RAB3B: variants seen among roughly 807,000 people sequenced by gnomAD.
RAB3B encodes ras-related protein Rab-3B.
In RAB3B, 11 loss-of-function variants were observed where a neutral mutation model predicts 20.5. That is an observed-to-expected ratio of 0.54 (90% CI 0.34 to 0.89). RAB3B has a LOEUF of 0.89. Ranked by LOEUF, RAB3B falls within the 40% of genes least tolerant of loss-of-function variation. The pLI is 0.02. For synonymous variants in RAB3B, 99 were observed against 106.3 expected (o/e 0.93, Z 0.42); for missense variants, 225 against 280.9 (o/e 0.80, Z 1.42).
At chr1:51,970,719 C>T (rs1038647592) in intron 2 of RAB3B, among the ~76,000 whole-genome samples, 1 of 152,014 alleles carries the variant, frequency 6.6e-6, no homozygotes, top group Non-Finnish European at 1.5e-5. Context: ...AGAAAGCAAC[C>T]CAGTGGCTGG....
At chr1:51,953,823 C>T (rs1374495684) in intron 2 of RAB3B, among the ~76,000 whole-genome samples, 2 of 151,928 alleles carry the variant, frequency 1.3e-5, no homozygotes, top group Admixed American at 6.6e-5. Flanking sequence ...CTAAAAAATA[C>T]CTAATGGTTA....
rs1684127939 is a variant in RAB3B, at chr1:51,919,003, GTC to G, written c.*922_*923del. On this transcript the variant is annotated 3_prime_UTR_variant, in exon 5 of 5. Coordinates refer to ENST00000371655, the MANE Select transcript of RAB3B (RefSeq NM_002867.4). ...TTTTTTTTTTTTTTTTTGAGACGGAGTCTCGCTCTGTCGCCCAGGCCGGACTG... is the reference window on the plus strand; with the variant it reads ...TTTTTTTTTTTTTTTTTGAGACGGAGTCGCTCTGTCGCCCAGGCCGGACTG... The G allele has an allele frequency of 7.1e-6, 1 of 139,986 alleles. No homozygotes were observed. The highest frequency in any genetic ancestry group is 2.8e-5 in the African/African-American group (1 of 35,736). The allele number at this position is 139,986 out of a possible 1,614,324, so 8.7% of individuals were successfully genotyped here.
At chr1:51,949,667 G>A (rs1037788859) in intron 2 of RAB3B, among the ~76,000 whole-genome samples, 4 of 152,202 alleles carry the variant, frequency 2.6e-5, no homozygotes, top group African/African-American at 9.6e-5. Context: ...CTCCAGAGGG[G>A]TGTTACAGTG....
rs200158002 is a variant in RAB3B, at chr1:51,970,577, ACCT to A, written c.228+6310_228+6312del. ...GTGGCCCTGCTCAGCAATGCTCATA[ACCT>A]CCTCTTCTTGTGTCTGGAATCCCCT... On this transcript the variant is annotated intron_variant, in intron 2 of 4. Coordinates refer to ENST00000371655, the MANE Select transcript of RAB3B (RefSeq NM_002867.4). Among the ~76,000 whole-genome samples the A allele has an allele frequency of 1.3e-4, 20 of 152,026 alleles. 1 individual carries two copies. In the East Asian group the frequency reaches 3.9e-3, roughly 29 times the overall value.
rs190928069 is a variant in RAB3B, at chr1:51,934,762, C to A, written c.348-1320G>T. 9.0e-3 allele frequency among the ~76,000 whole-genome samples: 964 copies of A among 107,246 alleles called. 19 individuals carry two copies. The highest frequency in any genetic ancestry group is 0.034 in the African/African-American group (933 of 27,628). 70.4% of individuals were successfully genotyped at this position (107,246 alleles called of 152,430 possible). A position where few individuals can be genotyped will look rare whatever the true frequency, so the allele number is the denominator to read the frequency against. On this transcript the variant is annotated intron_variant, in intron 3 of 4. Coordinates refer to ENST00000371655, the MANE Select transcript of RAB3B (RefSeq NM_002867.4). Reference sequence around the variant, plus strand: ...CTACACTCCAGCCTGGGTGACAGAGCGAGACTCCATCTCAAAAAAAAAAAA... The same window carrying A: ...CTACACTCCAGCCTGGGTGACAGAGAGAGACTCCATCTCAAAAAAAAAAAA...
chr1:51,926,177 A>T (rs1684241468), intron 4 of RAB3B, among the ~76,000 whole-genome samples: 1 of 152,246 alleles, frequency 6.6e-6, no homozygotes, highest in Non-Finnish European at 1.5e-5. Flanking sequence ...TAGGATGAGG[A>T]CTGGCATAGC....
chr1:51,965,233 G>A (rs1684834002), intron 2 of RAB3B, among the ~76,000 whole-genome samples: 2 of 134,312 alleles, frequency 1.5e-5, no homozygotes, highest in African/African-American at 5.4e-5. Flanking sequence ...AAAAAAAAAA[G>A]AAACGAAAAA....
chr1:51,944,355 A>G (rs1684535012), intron 2 of RAB3B, among the ~76,000 whole-genome samples: 1 of 152,196 alleles, frequency 6.6e-6, no homozygotes, highest in South Asian at 2.1e-4. Context: ...AAGATATCTG[A>G]TGGAGATATA....
chr1:51,923,837 A>G (rs756136885), intron 4 of RAB3B, among the ~76,000 whole-genome samples: 16 of 152,272 alleles, frequency 1.1e-4, no homozygotes, highest in Admixed American at 2.0e-4. Flanking sequence ...GTTGTTCGAG[A>G]CCATAAATAA....
In RAB3B at chr1:51,977,072, C is replaced by A. The variant is rs770195514; in HGVS notation, c.46G>T (p.Asp16Tyr). The change falls in exon 2 of 5, where the codon GAC (aspartate) becomes TAC (tyrosine). Residue 16 changes from aspartate to tyrosine, a missense_variant. Asp to Tyr is a radical substitution (Grantham distance 160, BLOSUM62 -3). Coordinates refer to ENST00000371655, the MANE Select transcript of RAB3B (RefSeq NM_002867.4). ...TTAAACATGTAGTCAAAATTCTGGTCAGAGGCATCTTTGACTCCAGTTTTA... is the reference window on the plus strand; with the variant it reads ...TTAAACATGTAGTCAAAATTCTGGTAAGAGGCATCTTTGACTCCAGTTTTA... The part of the protein sequence containing the change: ...DGKTGVKDAS[D>Y]QNFDYMFKLL... 1.2e-6 allele frequency: 2 copies of A among 1,614,156 alleles called. No individual in the cohort carries two copies. Among genetic ancestry groups the A allele is most frequent in the Non-Finnish European group, 1.7e-6 (2 of 1,180,030 alleles).
At chr1:51,931,711 G>C (rs1289536631) in intron 4 of RAB3B, among the ~76,000 whole-genome samples, 1 of 152,004 alleles carries the variant, frequency 6.6e-6, no homozygotes, top group Non-Finnish European at 1.5e-5. Context: ...TTACGTATGG[G>C]GTGCATTGAG....
chr1:51,969,488 T>C (rs982424563), intron 2 of RAB3B, among the ~76,000 whole-genome samples: 4 of 152,214 alleles, frequency 2.6e-5, no homozygotes, highest in African/African-American at 9.6e-5. Flanking sequence ...GGGCTAATTA[T>C]AGCCAGCGGC....
intron 3 of RAB3B, among the ~76,000 whole-genome samples, chr1:51,934,231 T>C (rs1684364750): frequency 6.6e-6 from 1 of 152,142 alleles, no homozygotes; most frequent in Non-Finnish European, 1.5e-5. Context: ...CCAAAAGCTC[T>C]TCCATGGCTT....
At chr1:51,922,723 G>A (rs956172185) in intron 4 of RAB3B, among the ~76,000 whole-genome samples, 7 of 151,476 alleles carry the variant, frequency 4.6e-5, no homozygotes, top group Non-Finnish European at 1.0e-4. Flanking sequence ...GAGAGACAGA[G>A]TCTTGCTCTG....
chr1:51,953,704 G>A (rs1298730134), intron 2 of RAB3B, among the ~76,000 whole-genome samples: 1 of 152,196 alleles, frequency 6.6e-6, no homozygotes, highest in African/African-American at 2.4e-5. Context: ...GGGAGGCTGA[G>A]GTAGGAGAAT....
At chr1:51,923,561 CA>C (rs1684202089) in intron 4 of RAB3B, among the ~76,000 whole-genome samples, 2 of 151,920 alleles carry the variant, frequency 1.3e-5, no homozygotes, top group Non-Finnish European at 2.9e-5. Context: ...ACTAAAAATA[CA>C]AAAATTAACC....
intron 2 of RAB3B, among the ~76,000 whole-genome samples, chr1:51,974,614 T>C (rs1482270480): frequency 1.3e-5 from 2 of 152,234 alleles, no homozygotes; most frequent in African/African-American, 4.8e-5. Flanking sequence ...AAGGGAAATA[T>C]GAACTCTATA....
intron 1 of RAB3B, among the ~76,000 whole-genome samples, chr1:51,979,264 T>C (rs189343595): frequency 6.6e-6 from 1 of 150,762 alleles, no homozygotes; most frequent in East Asian, 1.9e-4. Flanking sequence ...GTAAAGGCAT[T>C]ATGCTTTTTT....
rs1183625301 is a variant in RAB3B, at chr1:51,915,393, C to T, written c.*4534G>A. The T allele has an allele frequency of 6.6e-6, 1 of 152,050 alleles. No homozygotes were observed. Among genetic ancestry groups the T allele is most frequent in the Non-Finnish European group, 1.5e-5 (1 of 68,022 alleles). 9.4% of individuals were successfully genotyped at this position (152,050 alleles called of 1,614,324 possible). A position where few individuals can be genotyped will look rare whatever the true frequency, so the allele number is the denominator to read the frequency against. On this transcript the variant is annotated 3_prime_UTR_variant, in exon 5 of 5. Transcript: ENST00000371655. ...TACTCTCAGAATAATTAGGAGATTT[C>T]CTTCCATTCTTTGGATGTCAACCTT...
Sources: gnomAD v4.1 joint callset for allele counts (sites outside exome capture counted in the v4.1 genomes callset) on GRCh38, gnomAD v4.1.1 for gene constraint, MANE v1.5 for transcripts, NCBI Gene and HGNC (gene_info 2026-07-23, HGNC 2026-07-21) for gene names.